The following NOMO2 variants were observed in gnomAD, a reference collection of about 807,000 sequenced individuals.
NOMO2 encodes NODAL modulator 2, also known as BOS complex subunit NOMO2.
Under a neutral mutation model 67.1 loss-of-function variants are expected in NOMO2, and 14 were observed. That is an observed-to-expected ratio of 0.21 (90% CI 0.14 to 0.33). The LOEUF is 0.33. Among genes scored for constraint, NOMO2 ranks in the 10% least tolerant of loss-of-function variants. The pLI is 1.00. For missense variants in NOMO2, 178 were observed against 761.0 expected, an observed-to-expected ratio of 0.23 and a Z score of 9.01; for synonymous variants, 80 against 305.9, an observed-to-expected ratio of 0.26 and a Z score of 7.71.
chr16:18,535,505 C>T (rs1209708789), intron 11 of NOMO2, among the ~76,000 whole-genome samples: 3 of 151,994 alleles, frequency 2.0e-5, no homozygotes, highest in East Asian at 1.9e-4. Context: ...CTGTGAACAG[C>T]GCCTCCTCCA....
chr16:18,528,528 T>G (rs1298488867), intron 15 of NOMO2, among the ~76,000 whole-genome samples: 1 of 151,696 alleles, frequency 6.6e-6, no homozygotes, highest in Non-Finnish European at 1.5e-5. Context: ...ATCAAAACAT[T>G]ATAGAAAATT....
chr16:18,531,729 T>C (rs1901307630), intron 12 of NOMO2, 122 bp from the exon 13 acceptor site: 1 of 1,541,302 alleles, frequency 6.5e-7, no homozygotes. Flanking sequence ...CAAAGGTTCG[T>C]TTCCAGGCCA....
chr16:18,549,491 G>A lies in NOMO2; in HGVS notation c.509+30C>T, dbSNP rs201586797. On this transcript the variant is annotated intron_variant, in intron 5 of 30. Coordinates refer to ENST00000622306, the MANE Select transcript of NOMO2 (RefSeq NM_173614.4). The stretch of plus-strand genomic sequence containing the variant: ...GACCCCTGTCAGAGCCCGGCTCTAA[G>A]GCAACACTAAGAGACAGGACGCTAC... 1,387 of 839,004 alleles carry A rather than the reference G, an allele frequency of 1.7e-3. 19 individuals carry two copies. In the East Asian group the frequency reaches 0.018, roughly 11 times the overall value. The allele number at this position is 839,004 out of a possible 1,614,324, so 52.0% of individuals were successfully genotyped here.
chr16:18,539,264 C>T (rs1294412062), intron 9 of NOMO2, among the ~76,000 whole-genome samples: 1 of 150,696 alleles, frequency 6.6e-6, no homozygotes, highest in Non-Finnish European at 1.5e-5. Flanking sequence ...CCACCCTTAC[C>T]CCTGTGCCAT....
At chr16:18,561,198 A>AAC (rs1364604738) in intron 1 of NOMO2, among the ~76,000 whole-genome samples, 4 of 134,428 alleles carry the variant, frequency 3.0e-5, no homozygotes, top group African/African-American at 5.4e-5. Context: ...AAAAAAAAAA[A>AAC]AAAAAAAAAC....
chr16:18,561,173 TAAAAAAA>T (rs756246897), intron 1 of NOMO2, among the ~76,000 whole-genome samples: 71 of 32,442 alleles, frequency 2.2e-3, no homozygotes, highest in Non-Finnish European at 2.5e-3. Flanking sequence ...ACAACTTAAT[TAAAAAAA>T]AAAAAAAAAA....
chr16:18,550,677 C>T (rs1309168114), intron 4 of NOMO2, among the ~76,000 whole-genome samples: 3 of 152,034 alleles, frequency 2.0e-5, no homozygotes, highest in African/African-American at 7.2e-5. Context: ...TTCACACCAC[C>T]GTGGCGGTCC....
At chr16:18,557,905 C>T in intron 1 of NOMO2, 114 bp from the exon 2 acceptor site, 1 of 1,587,766 alleles carries the variant, frequency 6.3e-7, no homozygotes, top group Non-Finnish European at 8.6e-7. Flanking sequence ...CTACTATATA[C>T]CAGCTTTTAA....
intron 2 of NOMO2, 125 bp downstream of exon 2, chr16:18,557,577 C>G: frequency 6.3e-7 from 1 of 1,596,656 alleles, no homozygotes; most frequent in South Asian, 1.1e-5. Flanking sequence ...CTAGGATTAT[C>G]ATATTCCACT....
intron 2 of NOMO2, among the ~76,000 whole-genome samples, chr16:18,555,290 G>C (rs1377458366): frequency 6.6e-6 from 1 of 151,450 alleles, no homozygotes; most frequent in Non-Finnish European, 1.5e-5. Context: ...AACACTGTGG[G>C]AGGCCAAGGC....
At chr16:18,556,328 C>T (rs1322634845) in intron 2 of NOMO2, among the ~76,000 whole-genome samples, 1 of 151,832 alleles carries the variant, frequency 6.6e-6, no homozygotes, top group Non-Finnish European at 1.5e-5. Context: ...GTGGTGGGTG[C>T]CTGTAATCCC....
intron 16 of NOMO2, among the ~76,000 whole-genome samples, chr16:18,526,517 TCCA>T (rs1434528018): frequency 6.6e-6 from 1 of 151,538 alleles, no homozygotes; most frequent in African/African-American, 2.4e-5. Flanking sequence ...CACTCAAATA[TCCA>T]CCAACTGATA....
In NOMO2 at chr16:18,545,184, C is replaced by G. The variant is rs535406186; in HGVS notation, c.583-1415G>C. On this transcript the variant is annotated intron_variant, in intron 6 of 30. Transcript: ENST00000622306. The stretch of plus-strand genomic sequence containing the variant: ...AATCTTGGCTCACTGCTACCTCCCC[C>G]TCCCAGGTTCAAGCGATTCTCCTGC... 8.0e-5 allele frequency among the ~76,000 whole-genome samples: 12 copies of G among 149,908 alleles called. No individual in the cohort carries two copies. The East Asian group carries it at 2.2e-3, about 27-fold the overall frequency.
chr16:18,560,700 T>G (rs1902018456), intron 1 of NOMO2, among the ~76,000 whole-genome samples: 1 of 151,676 alleles, frequency 6.6e-6, no homozygotes, highest in Non-Finnish European at 1.5e-5. Context: ...TTCCACTGTT[T>G]CTCTCCCAAC....
chr16:18,557,977 A>G (rs1002552406), intron 1 of NOMO2, among the ~76,000 whole-genome samples, 186 bp from the exon 2 acceptor site: 4 of 152,010 alleles, frequency 2.6e-5, no homozygotes, highest in African/African-American at 9.7e-5. Flanking sequence ...ATGTGACTCA[A>G]TGTTTTTCAG....
At chr16:18,547,764 T>C (rs1901685530) in intron 5 of NOMO2, among the ~76,000 whole-genome samples, 7 of 151,428 alleles carry the variant, frequency 4.6e-5, no homozygotes, top group Admixed American at 4.6e-4. Context: ...CCCAAGATGA[T>C]GCAAATGACA....
intron 9 of NOMO2, among the ~76,000 whole-genome samples, chr16:18,540,375 C>T (rs1901523318): frequency 6.6e-6 from 1 of 151,782 alleles, no homozygotes; most frequent in African/African-American, 2.4e-5. Context: ...GGCACTAAAT[C>T]ACATGTTAGG....
At chr16:18,543,098 G>C (rs1399809702) in intron 7 of NOMO2, among the ~76,000 whole-genome samples, 2 of 131,010 alleles carry the variant, frequency 1.5e-5, no homozygotes, top group Non-Finnish European at 1.6e-5. Context: ...TTCAAAGCCT[G>C]TGTACTTTCC....
At chr16:18,539,822 A>ATGTGTC (rs991853524) in intron 9 of NOMO2, among the ~76,000 whole-genome samples, 27 of 149,528 alleles carry the variant, frequency 1.8e-4, no homozygotes, top group Non-Finnish European at 2.8e-4. Context: ...CCCATGCTCC[A>ATGTGTC]TGTGTCTGTG....
Sources: gnomAD v4.1 joint callset for allele counts (sites outside exome capture counted in the v4.1 genomes callset) on GRCh38, gnomAD v4.1.1 for gene constraint, MANE v1.5 for transcripts, NCBI Gene and HGNC (gene_info 2026-07-23, HGNC 2026-07-21) for gene names.